FAM161A: variants seen among roughly 807,000 people sequenced by gnomAD.
FAM161A encodes the protein FAM161 centrosomal protein A, also known as protein FAM161A.
Under a neutral mutation model 70.9 loss-of-function variants are expected in FAM161A, and 57 were observed. That is an observed-to-expected ratio of 0.80 (90% CI 0.65 to 1.00). The LOEUF is 1.00. Among genes scored for constraint, FAM161A ranks in the 50% least tolerant of loss-of-function variants. The pLI is 0.00. For missense variants in FAM161A, 880 were observed against 836.0 expected, an observed-to-expected ratio of 1.05 and a Z score of -0.65; for synonymous variants, 299 against 295.7, an observed-to-expected ratio of 1.01 and a Z score of -0.12.
At position 61,825,241 on chromosome 2, in the gene FAM161A, A is replaced by G. The variant is rs1187337399; in HGVS notation, c.*1214T>C. On this transcript the variant is annotated 3_prime_UTR_variant, in exon 7 of 7. Coordinates refer to ENST00000404929, the MANE Select transcript of FAM161A (RefSeq NM_001201543.2). ...TGCTTAAAGAAAAAAATATAGATTT[A>G]TAAAATCAGATTAACACTGTACACA... 1 of 443,124 alleles carries G rather than the reference A, an allele frequency of 2.3e-6. No homozygotes were observed. The highest frequency in any genetic ancestry group is 2.5e-5 in the Admixed American group (1 of 39,902). 27.4% of individuals were successfully genotyped at this position (443,124 alleles called of 1,614,324 possible). A position where few individuals can be genotyped will look rare whatever the true frequency, so the allele number is the denominator to read the frequency against.
chr2:61,816,279 A>T, the FAM161A span, among the ~76,000 whole-genome samples: 1 of 152,054 alleles, frequency 6.6e-6, no homozygotes, highest in African/African-American at 2.4e-5. Flanking sequence ...TTATTACCTT[A>T]CATTCACCCT....
rs200954796 is a variant in FAM161A at position 61,848,814 on chromosome 2, TTATATATATATATCTATATATATTTA to T, written c.183+5019_183+5044del. 8.9e-4 allele frequency among the ~76,000 whole-genome samples: 15 copies of T among 16,842 alleles called. 3 individuals are homozygous for T. Among genetic ancestry groups the T allele is most frequent in the Non-Finnish European group, 1.7e-3 (14 of 8,426 alleles). 11.0% of individuals were successfully genotyped at this position (16,842 alleles called of 152,430 possible). On this transcript the variant is annotated intron_variant, in intron 1 of 6. Coordinates refer to ENST00000404929, the MANE Select transcript of FAM161A (RefSeq NM_001201543.2). ...TCCCTCTCTCTGTCTATATATATATTTATATATATATATCTATATATATTTATATATATATTTATATATATATTTAT... is the reference window on the plus strand; with the variant it reads ...TCCCTCTCTCTGTCTATATATATATTTATATATATTTATATATATATTTAT...
the FAM161A span, among the ~76,000 whole-genome samples, chr2:61,808,401 T>C: frequency 6.6e-6 from 1 of 151,960 alleles, no homozygotes; most frequent in Non-Finnish European, 1.5e-5. Context: ...GCCTCCCAAG[T>C]AGCTGGGGCT....
chr2:61,840,308 C>G lies in FAM161A; in HGVS notation c.696G>C (p.Trp232Cys), dbSNP rs1425868074. The change falls in exon 3 of 7, where the codon TGG becomes TGC. Residue 232 changes from tryptophan to cysteine, a missense_variant. Coordinates refer to ENST00000404929, the MANE Select transcript of FAM161A (RefSeq NM_001201543.2). Reference protein sequence around the residue: ...AEKRRKKRKEWVPTITVPEPF... With the variant: ...AEKRRKKRKECVPTITVPEPF... ...GCTCCGGTACTGTAATTGTGGGCACCCATTCTTTTCGTTTCTTCCTTCTTT... is the reference window on the plus strand; with the variant it reads ...GCTCCGGTACTGTAATTGTGGGCACGCATTCTTTTCGTTTCTTCCTTCTTT... 6.2e-7 allele frequency: 1 copy of G among 1,613,896 alleles called. No individual in the cohort carries two copies. The highest frequency in any genetic ancestry group is 1.3e-5 in the African/African-American group (1 of 74,880).
At chr2:61,843,409 G>A (rs965778788) in intron 1 of FAM161A, among the ~76,000 whole-genome samples, 3 of 152,008 alleles carry the variant, frequency 2.0e-5, no homozygotes, top group African/African-American at 7.3e-5. Flanking sequence ...TTATGGGCAT[G>A]AGCCACCGTG....
intron 6 of FAM161A, 107 bp from the exon 7 acceptor site, chr2:61,826,706 T>C: frequency 1.1e-6 from 1 of 933,588 alleles, no homozygotes; most frequent in South Asian, 1.6e-5. Flanking sequence ...CTCAAGTGTA[T>C]GAATTCCAAT....
At chr2:61,803,909 A>G in the FAM161A span, among the ~76,000 whole-genome samples, 1 of 152,170 alleles carries the variant, frequency 6.6e-6, no homozygotes, top group Non-Finnish European at 1.5e-5. Flanking sequence ...AGACCCCAAG[A>G]GAGTGTTCTT....
At chr2:61,818,043 A>G in the FAM161A span, among the ~76,000 whole-genome samples, 1 of 151,192 alleles carries the variant, frequency 6.6e-6, no homozygotes, top group African/African-American at 2.4e-5. Context: ...AGTAACAATG[A>G]GTATACCTAA....
the FAM161A span, among the ~76,000 whole-genome samples, chr2:61,804,159 C>T: frequency 6.6e-6 from 1 of 152,172 alleles, no homozygotes; most frequent in African/African-American, 2.4e-5. Context: ...CATTTGTAAA[C>T]TGTCATGGCA....
chr2:61,824,614 G>A (rs571569971), downstream of FAM161A, among the ~76,000 whole-genome samples: 45 of 151,804 alleles, frequency 3.0e-4, no homozygotes, highest in African/African-American at 1.1e-3. Context: ...TTTTTTTAAA[G>A]GTAAGAAAAC....
downstream of FAM161A, among the ~76,000 whole-genome samples, chr2:61,821,476 TTAGAG>T (rs1343633775): frequency 1.3e-5 from 2 of 152,170 alleles, no homozygotes; most frequent in East Asian, 3.8e-4. Flanking sequence ...GAAAAAATAA[TTAGAG>T]TAAGTAGATA....
Position 61,838,670 on chromosome 2 carries a change from T to A in FAM161A, c.1619A>T (p.Glu540Val). The stretch of plus-strand genomic sequence containing the variant: ...CTGTTTAGTTAGGATCCGATTTCTC[T>A]CTTCTTCCAACATTTTCTTTTCCTC... ...SLEEKKMLEE[E>V]RNRILTKQKQ... The change falls in exon 4 of 7, where the codon GAG becomes GTG. Residue 540 changes from glutamate to valine, a missense_variant. Glu to Val is a moderately radical substitution (Grantham distance 121). Transcript: ENST00000404929. The A allele has an allele frequency of 6.2e-7, 1 of 1,608,988 alleles. No homozygotes were observed. The highest frequency in any genetic ancestry group is 8.5e-7 in the Non-Finnish European group (1 of 1,178,218).
chr2:61,853,056 G>T (rs1830408), intron 1 of FAM161A, among the ~76,000 whole-genome samples: 148,276 of 151,506 alleles, frequency 0.98, 72,566 homozygotes, highest in East Asian at 1. Context: ...GGATTACAGG[G>T]GCGCACCACC....
intron 1 of FAM161A, among the ~76,000 whole-genome samples, chr2:61,853,539 C>G (rs1240659187): frequency 1.3e-5 from 2 of 152,182 alleles, no homozygotes; most frequent in Non-Finnish European, 2.9e-5. Flanking sequence ...CCAGATATAT[C>G]TCTATATATC....
chr2:61,831,594 A>G lies in FAM161A; in HGVS notation c.1852-4336T>C, dbSNP rs562297663. Reference sequence around the variant, plus strand: ...GGGGCAGGAAAACAATATGATAGATAAAAGAATCACATGAAGACAGTCAGA... The same window carrying G: ...GGGGCAGGAAAACAATATGATAGATGAAAGAATCACATGAAGACAGTCAGA... On this transcript the variant is annotated intron_variant, in intron 5 of 6. Transcript: ENST00000404929. Among the ~76,000 whole-genome samples, 7 of 152,320 alleles carry G rather than the reference A, an allele frequency of 4.6e-5. No individual in the cohort carries two copies. In the East Asian group the frequency reaches 1.4e-3, roughly 29 times the overall value.
At position 61,848,864 on chromosome 2, in the gene FAM161A, ATATATATATTTATATATATATT is replaced by A. The variant is rs1673337050; in HGVS notation, c.183+4973_183+4994del. Among the ~76,000 whole-genome samples, 4 of 1,862 alleles carry A rather than the reference ATATATATATTTATATATATATT, an allele frequency of 2.1e-3. 1 individual carries two copies. Among genetic ancestry groups the A allele is most frequent in the South Asian group, 0.033 (1 of 30 alleles). The allele number at this position is 1,862 out of a possible 152,430, so 1.2% of individuals were successfully genotyped here. A position where few individuals can be genotyped will look rare whatever the true frequency, so the allele number is the denominator to read the frequency against. On this transcript the variant is annotated intron_variant, in intron 1 of 6. Transcript: ENST00000404929. ...TATATATATATTTATATATATATTT[ATATATATATTTATATATATATT>A]TATATATATTTATATATATATTTAT...
chr2:61,813,378 TAA>T, the FAM161A span, among the ~76,000 whole-genome samples: 2 of 144,798 alleles, frequency 1.4e-5, no homozygotes. Context: ...TCGTCTCTAC[TAA>T]AAAAAAAAAA....
At chr2:61,847,765 G>A (rs1304442680) in intron 1 of FAM161A, among the ~76,000 whole-genome samples, 1 of 152,044 alleles carries the variant, frequency 6.6e-6, no homozygotes, top group African/African-American at 2.4e-5. Flanking sequence ...GTGTGACCCT[G>A]TCTCAAAAAA....
chr2:61,807,928 A>C, the FAM161A span, among the ~76,000 whole-genome samples: 6 of 152,174 alleles, frequency 3.9e-5, no homozygotes, highest in Non-Finnish European at 8.8e-5. Flanking sequence ...GATGTGAGCC[A>C]CTGTGTCCAG....
Sources: allele counts gnomAD v4.1 joint callset (sites outside exome capture counted in the v4.1 genomes callset), GRCh38; gene constraint gnomAD v4.1.1; transcripts MANE v1.5; gene names NCBI Gene and HGNC (gene_info 2026-07-23, HGNC 2026-07-21).